The following TMEM63C variants were observed in gnomAD, a reference collection of about 807,000 sequenced individuals.
TMEM63C encodes the protein osmosensitive cation channel TMEM63C.
TMEM63C carries 32 observed loss-of-function variants against 99.2 expected under a neutral mutation model. The ratio of observed to expected loss-of-function variants is 0.32; its 90% confidence interval spans 0.24 to 0.43. The LOEUF (loss-of-function observed/expected upper bound fraction) is 0.43, where lower values mean the gene tolerates loss of function less well. TMEM63C is among the 20% of genes least tolerant of loss of function. The pLI is 1.00. For synonymous variants in TMEM63C, 376 were observed against 397.9 expected, an observed-to-expected ratio of 0.94 and a Z score of 0.66; for missense variants, 826 against 1,053.0, an observed-to-expected ratio of 0.78 and a Z score of 2.98.
chr14:77,183,393 G>A (rs1316795783), intron 1 of TMEM63C, among the ~76,000 whole-genome samples: 1 of 152,188 alleles, frequency 6.6e-6, no homozygotes, highest in Non-Finnish European at 1.5e-5. Context: ...TTTAAGATAT[G>A]TTTTCTAGTT....
In TMEM63C at chr14:77,229,271, C is replaced by T. The variant is rs144050979; in HGVS notation, c.351-2317C>T. ...ATACAAAAATTTGGCTGAGTACACA[C>T]CTGTAATCCCAGCTATTTGGGAGGC... On this transcript the variant is annotated intron_variant, in intron 6 of 23. Coordinates refer to ENST00000298351, the MANE Select transcript of TMEM63C (RefSeq NM_020431.4). Among the ~76,000 whole-genome samples, 117 of 151,954 alleles carry T rather than the reference C, an allele frequency of 7.7e-4. 1 individual carries two copies. The highest frequency in any genetic ancestry group is 3.4e-3 in the Middle Eastern group (1 of 294).
At chr14:77,210,852 G>A (rs1888483587) in intron 1 of TMEM63C, among the ~76,000 whole-genome samples, 1 of 152,176 alleles carries the variant, frequency 6.6e-6, no homozygotes, top group African/African-American at 2.4e-5. Context: ...GGTGGGAGCT[G>A]TGGCTTTGTG....
intron 6 of TMEM63C, 139 bp from the exon 7 acceptor site, chr14:77,231,449 T>G: frequency 1.2e-6 from 1 of 838,522 alleles, no homozygotes; most frequent in South Asian, 1.9e-5. Context: ...TTGCCTTATA[T>G]ATGAGATATA....
At chr14:77,251,955 G>A (rs1889369407) in intron 22 of TMEM63C, 57 bp downstream of exon 22, 3 of 1,364,896 alleles carry the variant, frequency 2.2e-6, no homozygotes, top group Admixed American at 3.4e-5. Flanking sequence ...GGACACAGCT[G>A]TAGGATACTC....
intron 1 of TMEM63C, among the ~76,000 whole-genome samples, chr14:77,190,337 C>A (rs560379982): frequency 6.6e-6 from 1 of 152,142 alleles, no homozygotes; most frequent in African/African-American, 2.4e-5. Flanking sequence ...TTCTATCAAA[C>A]CTCCAAGGCA....
chr14:77,187,007 C>G (rs1054822088), intron 1 of TMEM63C, among the ~76,000 whole-genome samples: 4 of 152,208 alleles, frequency 2.6e-5, no homozygotes, highest in African/African-American at 9.7e-5. Flanking sequence ...GCTTGAGGCC[C>G]TGGAGCCACT....
intron 1 of TMEM63C, among the ~76,000 whole-genome samples, chr14:77,191,904 A>G (rs1888117548): frequency 6.6e-6 from 1 of 152,170 alleles, no homozygotes; most frequent in Non-Finnish European, 1.5e-5. Context: ...TGAAAGGAGT[A>G]CTGAAATCTC....
intron 6 of TMEM63C, among the ~76,000 whole-genome samples, chr14:77,226,830 C>A (rs1177193262): frequency 6.7e-6 from 1 of 148,852 alleles, no homozygotes; most frequent in Non-Finnish European, 1.5e-5. Flanking sequence ...TGCAGTGGCA[C>A]AATCTCAGCT....
At chr14:77,202,840 C>T (rs1026424259) in intron 1 of TMEM63C, among the ~76,000 whole-genome samples, 4 of 79,522 alleles carry the variant, frequency 5.0e-5, no homozygotes, top group African/African-American at 2.8e-4. Flanking sequence ...CACACACACA[C>T]ACACACACAC....
rs1329896197 is a variant in TMEM63C at position 77,248,863 on chromosome 14, G to T, written c.1861G>T (p.Val621Leu). 4 of 1,613,874 alleles carry T rather than the reference G, an allele frequency of 2.5e-6. No individual in the cohort carries two copies. The East Asian group carries it at 8.9e-5, about 36-fold the overall frequency. ...GTACAGCATCACTTGCCCCATCATT[G>T]TGCCTTTTGGTGAGTCATCTCCAAG... ...MAYSITCPII[V>L]PFGLLYLCMK... Residue 621 changes from valine to leucine, a missense_variant, in exon 20 of 24, where the codon GTG becomes TTG. Physicochemically the swap from Val to Leu is conservative, Grantham distance 32 (BLOSUM62 1). Transcript: ENST00000298351.
In TMEM63C at chr14:77,253,286, C is replaced by T. The variant is rs768068886; in HGVS notation, c.2149-19C>T. The T allele has an allele frequency of 3.7e-6, 6 of 1,610,438 alleles. No homozygotes were observed. The highest frequency in any genetic ancestry group is 1.1e-5 in the South Asian group (1 of 89,914). On this transcript the variant is annotated intron_variant, in intron 22 of 23. Coordinates refer to ENST00000298351, the MANE Select transcript of TMEM63C (RefSeq NM_020431.4). Reference sequence around the variant, plus strand: ...CAAAGAGCAGGCCTCCTGTAACCCACCACCTCTCCCTGCTGCAGCCCGAGG... The same window carrying T: ...CAAAGAGCAGGCCTCCTGTAACCCATCACCTCTCCCTGCTGCAGCCCGAGG...
chr14:77,202,810 G>A (rs1414353126), intron 1 of TMEM63C, among the ~76,000 whole-genome samples: 1 of 149,084 alleles, frequency 6.7e-6, no homozygotes, highest in Non-Finnish European at 1.5e-5. Context: ...TAGCTACAGA[G>A]GCAGACAGGC....
chr14:77,208,103 C>A (rs1489321564), intron 1 of TMEM63C, among the ~76,000 whole-genome samples: 2 of 152,208 alleles, frequency 1.3e-5, no homozygotes, highest in Non-Finnish European at 2.9e-5. Context: ...CCTGCCTGGT[C>A]TTTGTACAGG....
chr14:77,241,271 C>T (rs572225598), intron 13 of TMEM63C, among the ~76,000 whole-genome samples: 12 of 152,260 alleles, frequency 7.9e-5, no homozygotes, highest in Non-Finnish European at 1.8e-4. Context: ...TCACTCCCTC[C>T]TCACCATAAG....
At chr14:77,248,675 CCTG>C in intron 19 of TMEM63C, 89 bp from the exon 20 acceptor site, 1 of 1,505,640 alleles carries the variant, frequency 6.6e-7, no homozygotes, top group Non-Finnish European at 9.2e-7. Flanking sequence ...TGCCTCCAGG[CCTG>C]AGCTGCCAGG....
At chr14:77,242,647 G>A (rs999417993) in intron 14 of TMEM63C, among the ~76,000 whole-genome samples, 178 bp downstream of exon 14, 1 of 152,218 alleles carries the variant, frequency 6.6e-6, no homozygotes, top group African/African-American at 2.4e-5. Flanking sequence ...CACAAGTGTG[G>A]GTGGCATCCA....
chr14:77,195,441 C>T (rs999047073), intron 1 of TMEM63C, among the ~76,000 whole-genome samples: 1 of 152,210 alleles, frequency 6.6e-6, no homozygotes, highest in African/African-American at 2.4e-5. Context: ...AGTGTGTCAT[C>T]TACTGAGTCT....
chr14:77,249,326 C>T lies in TMEM63C; in HGVS notation c.1906C>T (p.Arg636Cys). 1.9e-6 allele frequency: 3 copies of T among 1,613,974 alleles called. No individual in the cohort carries two copies. The highest frequency in any genetic ancestry group is 2.2e-5 in the South Asian group (2 of 91,082). Residue 636 changes from arginine (R) to cysteine (C), a missense_variant, in exon 21 of 24, where the codon CGC becomes TGC. Arg to Cys is a radical substitution (Grantham distance 180, BLOSUM62 -3). Transcript: ENST00000298351. ...LYLCMKHLTD[R>C]YNMYYSFAPT... ...CCTGTGCATGAAGCACTTGACGGATCGCTATAACATGTACTACTCCTTTGC... is the reference window on the plus strand; with the variant it reads ...CCTGTGCATGAAGCACTTGACGGATTGCTATAACATGTACTACTCCTTTGC...
intron 9 of TMEM63C, among the ~76,000 whole-genome samples, chr14:77,238,124 C>T (rs923658756): frequency 6.6e-6 from 1 of 152,164 alleles, no homozygotes; most frequent in South Asian, 2.1e-4. Context: ...TTAAAGGTGA[C>T]GACCCAGGAA....
Sources: allele counts gnomAD v4.1 joint callset (sites outside exome capture counted in the v4.1 genomes callset), GRCh38; gene constraint gnomAD v4.1.1; transcripts MANE v1.5; gene names NCBI Gene and HGNC (gene_info 2026-07-23, HGNC 2026-07-21).